GALNS: variants seen among roughly 807,000 people sequenced by gnomAD.
The protein encoded by GALNS is N-acetylgalactosamine-6-sulfatase.
A neutral mutation model predicts 65.9 loss-of-function variants in GALNS; 65 were observed. The observed-to-expected ratio is 0.99, with a 90% confidence interval of 0.81 to 1.21. The LOEUF is 1.21. Ranked by LOEUF, GALNS falls within the 50% of genes most tolerant of loss-of-function variation. GALNS has a pLI of 0.00. For missense variants in GALNS, 776 were observed against 700.7 expected, an observed-to-expected ratio of 1.11 and a Z score of -1.21; for synonymous variants, 346 against 288.9, an observed-to-expected ratio of 1.20 and a Z score of -2.00.
intron 8 of GALNS, among the ~76,000 whole-genome samples, chr16:88,833,610 C>T (rs1911752582): frequency 6.6e-6 from 1 of 152,130 alleles, no homozygotes; most frequent in Non-Finnish European, 1.5e-5. Context: ...CGCCACCACG[C>T]CTGGCTAATT....
intron 9 of GALNS, among the ~76,000 whole-genome samples, chr16:88,828,893 C>A (rs1158678199): frequency 2.0e-5 from 3 of 152,172 alleles, no homozygotes; most frequent in African/African-American, 7.2e-5. Context: ...CCTGTCCCGG[C>A]CTGGTGGGCA....
intron 8 of GALNS, among the ~76,000 whole-genome samples, chr16:88,832,866 G>A (rs1393381351): frequency 1.3e-5 from 2 of 152,080 alleles, no homozygotes; most frequent in Admixed American, 6.5e-5. Context: ...TTCAAGACTA[G>A]CCTAGACTGG....
intron 1 of GALNS, among the ~76,000 whole-genome samples, chr16:88,847,808 G>T (rs1258738726): frequency 6.6e-6 from 1 of 152,230 alleles, no homozygotes; most frequent in East Asian, 1.9e-4. Context: ...GCAGCGCCAC[G>T]CAGGGTGGCC....
chr16:88,852,372 T>C (rs1204920712), intron 1 of GALNS, among the ~76,000 whole-genome samples: 2 of 152,074 alleles, frequency 1.3e-5, no homozygotes, highest in African/African-American at 4.8e-5. Flanking sequence ...CAAAACCCCA[T>C]CTTTAGGCCA....
At chr16:88,843,237 G>A (rs1967071344) in intron 1 of GALNS, 1 of 1,293,578 alleles carries the variant, frequency 7.7e-7, no homozygotes, top group Non-Finnish European at 1.0e-6. Flanking sequence ...TCGTATGTCT[G>A]TACACGTCTA....
intron 13 of GALNS, 120 bp downstream of exon 13, chr16:88,817,887 C>A: frequency 1.1e-6 from 1 of 890,100 alleles, no homozygotes; most frequent in Non-Finnish European, 1.8e-6. Context: ...GGCCTCACCA[C>A]TGACGGAGGC....
At chr16:88,817,838 C>A (rs910653788) in intron 13 of GALNS, among the ~76,000 whole-genome samples, 169 bp downstream of exon 13, 2 of 152,210 alleles carry the variant, frequency 1.3e-5, no homozygotes, top group Non-Finnish European at 2.9e-5. Context: ...TCCTGCCTCC[C>A]GAATCCCGGA....
intron 8 of GALNS, among the ~76,000 whole-genome samples, chr16:88,833,056 C>T (rs1314910115): frequency 4.5e-5 from 5 of 111,654 alleles, no homozygotes; most frequent in African/African-American, 1.8e-4. Flanking sequence ...CCAGCCTGGG[C>T]AACAGAGCGA....
chr16:88,827,117 C>A (rs1162421768), intron 9 of GALNS: 1 of 559,026 alleles, frequency 1.8e-6, no homozygotes, highest in African/African-American at 1.9e-5. Flanking sequence ...TCACAGCCCT[C>A]CCAGGGAGAT....
chr16:88,832,791 T>C (rs1911644932), intron 8 of GALNS, among the ~76,000 whole-genome samples: 1 of 152,088 alleles, frequency 6.6e-6, no homozygotes, highest in Non-Finnish European at 1.5e-5. Context: ...CCGGCTGCGG[T>C]GGCTCATACC....
At chr16:88,814,745 C>T (rs1263448652) in intron 13 of GALNS, 1 of 236,456 alleles carries the variant, frequency 4.2e-6, no homozygotes, top group Non-Finnish European at 6.9e-6. Flanking sequence ...GGATTACAGG[C>T]ACGCGCCACC....
rs764188199 is a variant in GALNS at position 88,856,827 on chromosome 16, G to C, written c.51C>G (p.Leu17=). The C allele has an allele frequency of 6.5e-7, 1 of 1,527,988 alleles. No individual in the cohort carries two copies. The highest frequency in any genetic ancestry group is 8.7e-7 in the Non-Finnish European group (1 of 1,147,310). 94.7% of individuals were successfully genotyped at this position (1,527,988 alleles called of 1,614,324 possible). ...ATRWWQLLLV[L]SAAGMGASGA... ...CCGAGGCCCCCATCCCCGCGGCGCT[G>C]AGCACCAGCAACAGCTGCCACCACC... is the stretch of plus-strand genomic sequence containing the variant. The change falls in exon 1 of 14, where the codon CTC becomes CTG. Residue 17 remains leucine (L), a synonymous_variant. Transcript: ENST00000268695.
rs150582627 is a variant in GALNS, at chr16:88,841,090, G to A, written c.324C>T (p.Tyr108=). The change falls in exon 4 of 14, where the codon TAC becomes TAT. Residue 108 remains tyrosine (Y), a synonymous_variant. Coordinates refer to ENST00000268695, the MANE Select transcript of GALNS (RefSeq NM_000512.5). ...YTTNAHARNA[Y]TPQEIVGGIP... ...TGCCGCCCACAATCTCCTGCGGTGT[G>A]TAGGCTGGAAGAGCAGCGCTGGGTG... The A allele has an allele frequency of 1.1e-3, 1,769 of 1,612,862 alleles. 2 individuals are homozygous for A. The highest frequency in any genetic ancestry group is 1.4e-3 in the Non-Finnish European group (1,603 of 1,179,760).
chr16:88,839,712 G>C (rs2143003750), intron 4 of GALNS, among the ~76,000 whole-genome samples: 1 of 152,364 alleles, frequency 6.6e-6, no homozygotes, highest in African/African-American at 2.4e-5. Flanking sequence ...TGCGGGAGGA[G>C]CCTGGGGCTC....
At chr16:88,836,069 A>G in intron 6 of GALNS, 132 bp downstream of exon 6, 1 of 1,064,524 alleles carries the variant, frequency 9.4e-7, no homozygotes, top group Non-Finnish European at 1.4e-6. Flanking sequence ...GAGGGTGATG[A>G]GGTCCCTGAA....
intron 1 of GALNS, chr16:88,855,059 CG>C: frequency 5.1e-6 from 2 of 393,976 alleles, no homozygotes; most frequent in South Asian, 3.9e-5. Flanking sequence ...CCTATGGAAA[CG>C]TAGGGTGAGT....
rs765151762 is a variant in GALNS, at chr16:88,842,709, G to A, written c.241C>T (p.Pro81Ser). The A allele has an allele frequency of 1.2e-6, 2 of 1,612,708 alleles. No homozygotes were observed. The highest frequency in any genetic ancestry group is 1.1e-5 in the South Asian group (1 of 90,822). The change falls in exon 2 of 14, where the codon CCA (proline) becomes TCA (serine). Residue 81 changes from proline (P) to serine (S), a missense_variant. Transcript: ENST00000268695. ...NFYSANPLCS[P>S]SRAALLTGRL... ...GGCGAGGGCCCCGCTGACTTACATG[G>A]CGAGCACAGAGGGTTGGCAGAATAG... is the stretch of plus-strand genomic sequence containing the variant.
intron 12 of GALNS, among the ~76,000 whole-genome samples, chr16:88,819,680 C>T (rs1288454298): frequency 3.9e-5 from 6 of 152,074 alleles, no homozygotes; most frequent in South Asian, 2.1e-4. Flanking sequence ...CCATAGATCA[C>T]TGTGCCTGGC....
intron 8 of GALNS, among the ~76,000 whole-genome samples, chr16:88,833,623 T>C (rs1393602634): frequency 1.3e-5 from 2 of 152,030 alleles, no homozygotes; most frequent in East Asian, 1.9e-4. Flanking sequence ...GGCTAATTTT[T>C]TGTTTTTCAG....
Sources: allele counts gnomAD v4.1 joint callset (sites outside exome capture counted in the v4.1 genomes callset), GRCh38; gene constraint gnomAD v4.1.1; transcripts MANE v1.5; gene names NCBI Gene and HGNC (gene_info 2026-07-23, HGNC 2026-07-21).